Variants in ANKS1B observed in about 807,000 individuals in gnomAD.
ANKS1B encodes the protein ankyrin repeat and sterile alpha motif domain-containing protein 1B.
A neutral mutation model predicts 148.3 loss-of-function variants in ANKS1B; 36 were observed. That is an observed-to-expected ratio of 0.24 (90% confidence interval 0.19 to 0.32). ANKS1B has a LOEUF of 0.32. Among genes scored for constraint, ANKS1B ranks in the 10% least tolerant of loss-of-function variants. ANKS1B has a pLI of 1.00. For synonymous variants in ANKS1B, 542 were observed against 560.8 expected (o/e 0.97, Z 0.47); for missense variants, 1,157 against 1,542.6 (o/e 0.75, Z 4.19).
At chr12:99,858,068 C>CA (rs2089461682) in intron 1 of ANKS1B, among the ~76,000 whole-genome samples, 4 of 151,994 alleles carry the variant, frequency 2.6e-5, no homozygotes, top group Admixed American at 6.5e-5. Context: ...TTCTGCACAG[C>CA]AAAAAAGATA....
chr12:99,194,958 G>T (rs1246625393), intron 14 of ANKS1B, among the ~76,000 whole-genome samples: 2 of 151,894 alleles, frequency 1.3e-5, no homozygotes, highest in Non-Finnish European at 1.5e-5. Flanking sequence ...GTATATATTT[G>T]AATTTTTCAA....
intron 8 of ANKS1B, among the ~76,000 whole-genome samples, chr12:99,757,911 G>C (rs58751393): frequency 0.012 from 1,808 of 151,998 alleles, 45 homozygotes; most frequent in African/African-American, 0.042. Context: ...GACAAATAGA[G>C]AACAGCACAC....
At chr12:99,143,457 G>A (rs1344983348) in intron 15 of ANKS1B, among the ~76,000 whole-genome samples, 1 of 152,096 alleles carries the variant, frequency 6.6e-6, no homozygotes, top group Non-Finnish European at 1.5e-5. Context: ...TGAAGTCAGG[G>A]AGACGCATGC....
At position 99,524,867 on chromosome 12, in the gene ANKS1B, C is replaced by T. The variant is rs144111824; in HGVS notation, c.1273-20226G>A. ...AATTCAATTATCTCCCACAGGATCC[C>T]TCCCACAGCATAGGAATCACGGGAA... On this transcript the variant is annotated intron_variant, in intron 9 of 26. Transcript: ENST00000683438. Among the ~76,000 whole-genome samples the T allele has an allele frequency of 1.3e-4, 20 of 152,256 alleles. 1 individual carries two copies. Among genetic ancestry groups the T allele is most frequent in the African/African-American group, 4.6e-4 (19 of 41,542 alleles).
intron 14 of ANKS1B, among the ~76,000 whole-genome samples, chr12:99,165,907 C>T (rs985127707): frequency 3.3e-5 from 5 of 151,864 alleles, no homozygotes; most frequent in African/African-American, 9.6e-5. Context: ...TAGTATCCAA[C>T]AATATATACA....
chr12:99,357,249 A>AT (rs1464182691), intron 12 of ANKS1B, among the ~76,000 whole-genome samples: 1 of 151,942 alleles, frequency 6.6e-6, no homozygotes, highest in African/African-American at 2.4e-5. Flanking sequence ...GGAAAGTGTC[A>AT]TTTTTTTCAT....
At chr12:98,948,607 A>T (rs899683920) in intron 17 of ANKS1B, among the ~76,000 whole-genome samples, 1 of 152,234 alleles carries the variant, frequency 6.6e-6, no homozygotes, top group African/African-American at 2.4e-5. Context: ...ACAGAGCTCA[A>T]GATGGGAAGG....
chr12:99,306,109 AG>A (rs1299636846), intron 12 of ANKS1B, among the ~76,000 whole-genome samples: 4 of 152,124 alleles, frequency 2.6e-5, no homozygotes, highest in Non-Finnish European at 5.9e-5. Flanking sequence ...CAAGGCAGGA[AG>A]AAAAGAAGGT....
At chr12:99,632,727 C>CTATATATATA (rs3081654) in intron 9 of ANKS1B, among the ~76,000 whole-genome samples, 1,075 of 38,598 alleles carry the variant, frequency 0.028, 40 homozygotes, top group Non-Finnish European at 0.036. Flanking sequence ...CCTTTTCTTT[C>CTATATATATA]TATATATATA....
At chr12:99,660,988 G>A (rs146635335) in intron 8 of ANKS1B, among the ~76,000 whole-genome samples, 115 of 152,152 alleles carry the variant, frequency 7.6e-4, no homozygotes, top group Middle Eastern at 6.8e-3. Flanking sequence ...GCCCTTATAC[G>A]AAGGCTGGAA....
chr12:99,117,243 G>T (rs531473429), intron 15 of ANKS1B, among the ~76,000 whole-genome samples: 1 of 152,330 alleles, frequency 6.6e-6, no homozygotes, highest in Admixed American at 6.5e-5. Flanking sequence ...ATGTTGAATA[G>T]GAGTGGTGAG....
At chr12:99,132,048 G>A (rs1342263318) in intron 15 of ANKS1B, among the ~76,000 whole-genome samples, 1 of 152,010 alleles carries the variant, frequency 6.6e-6, no homozygotes, top group Non-Finnish European at 1.5e-5. Context: ...CCCCAGGCCA[G>A]CAGTGACTGC....
chr12:98,938,438 G>A (rs2099824875), intron 17 of ANKS1B, among the ~76,000 whole-genome samples: 1 of 152,224 alleles, frequency 6.6e-6, no homozygotes, highest in Non-Finnish European at 1.5e-5. Context: ...ATTGGTATGG[G>A]ATATGGGTCA....
chr12:98,918,427 G>A lies in ANKS1B; in HGVS notation c.2779-86291C>T, dbSNP rs182006498. The stretch of plus-strand genomic sequence containing the variant: ...GAGCAGAATGTGAGGAAGCTAGGTC[G>A]TAGCAGGAAATGAATAGAAGCAGAG... On this transcript the variant is annotated intron_variant, in intron 17 of 26. Transcript: ENST00000683438. 1.3e-3 allele frequency among the ~76,000 whole-genome samples: 200 copies of A among 152,324 alleles called. 2 individuals carry two copies. Among genetic ancestry groups the A allele is most frequent in the African/African-American group, 4.5e-3 (186 of 41,568 alleles).
intron 21 of ANKS1B, among the ~76,000 whole-genome samples, chr12:98,799,670 T>C (rs2098983632): frequency 6.6e-6 from 1 of 152,090 alleles, no homozygotes; most frequent in African/African-American, 2.4e-5. Flanking sequence ...ACTTTGTTGT[T>C]AGAAGACCAG....
intron 14 of ANKS1B, among the ~76,000 whole-genome samples, chr12:99,168,071 G>A (rs549670610): frequency 1.9e-4 from 29 of 152,314 alleles, no homozygotes; most frequent in Admixed American, 5.9e-4. Flanking sequence ...TTACAAAGGG[G>A]CAAAAGGAAA....
At chr12:99,809,509 G>A (rs1385488229) in intron 3 of ANKS1B, among the ~76,000 whole-genome samples, 1 of 151,884 alleles carries the variant, frequency 6.6e-6, no homozygotes, top group Non-Finnish European at 1.5e-5. Flanking sequence ...AAAAGAGAAG[G>A]ATGTGGCAAT....
chr12:99,016,298 G>A (rs940047320), intron 17 of ANKS1B, among the ~76,000 whole-genome samples: 1 of 152,192 alleles, frequency 6.6e-6, no homozygotes, highest in Non-Finnish European at 1.5e-5. Context: ...AGTTTTGTAA[G>A]CAAAGTAGGA....
intron 4 of ANKS1B, among the ~76,000 whole-genome samples, chr12:99,791,273 TAAAGC>T (rs2153644703): frequency 6.6e-6 from 1 of 152,100 alleles, no homozygotes. Flanking sequence ...CCCAGATATA[TAAAGC>T]AAATATTATT....
Sources: gnomAD v4.1 joint callset for allele counts (sites outside exome capture counted in the v4.1 genomes callset) on GRCh38, gnomAD v4.1.1 for gene constraint, MANE v1.5 for transcripts, NCBI Gene and HGNC (gene_info 2026-07-23, HGNC 2026-07-21) for gene names.